Variants in RAPGEF5 observed in about 807,000 individuals in gnomAD.
RAPGEF5 encodes Rap guanine nucleotide exchange factor 5.
RAPGEF5 carries 65 observed loss-of-function variants against 125.2 expected under a neutral mutation model. The ratio of observed to expected loss-of-function variants is 0.52; its 90% confidence interval spans 0.43 to 0.64. The LOEUF (loss-of-function observed/expected upper bound fraction) is 0.64, where lower values mean the gene tolerates loss of function less well. Among genes scored for constraint, RAPGEF5 ranks in the 30% least tolerant of loss-of-function variants. The pLI is 0.00. For missense variants in RAPGEF5, 958 were observed against 1,048.1 expected (o/e 0.91, Z 1.19); for synonymous variants, 391 against 385.9 (o/e 1.01, Z -0.16).
At chr7:22,314,381 A>C (rs1212451886) in intron 3 of RAPGEF5, among the ~76,000 whole-genome samples, 3 of 152,194 alleles carry the variant, frequency 2.0e-5, no homozygotes, top group Admixed American at 6.5e-5. Flanking sequence ...CTATAGAAAA[A>C]TTATGCCTCA....
rs1435289723 is a variant in RAPGEF5, at chr7:22,145,203, G to A, written c.2027C>T (p.Thr676Met). 5 of 1,612,298 alleles carry A rather than the reference G, an allele frequency of 3.1e-6. No individual in the cohort carries two copies. The highest frequency in any genetic ancestry group is 2.2e-5 in the East Asian group (1 of 44,814). ...TTCCCCACTTCCCTGTCTGCTGAAC[G>A]TGAAGTAGATCAGCTCTTGCTGAAA... is the stretch of plus-strand genomic sequence containing the variant. ...SIHEQELIYF[T>M]FSRQGSGEHT... is the part of the protein sequence containing the mutation. Residue 676 changes from threonine to methionine, a missense_variant, in exon 20 of 26, where the codon ACG becomes ATG. Physicochemically the swap from Thr to Met is moderately conservative, Grantham distance 81. Transcript: ENST00000665637.
intron 6 of RAPGEF5, among the ~76,000 whole-genome samples, chr7:22,268,717 G>C (rs1782345431): frequency 6.6e-6 from 1 of 152,282 alleles, no homozygotes; most frequent in Middle Eastern, 3.4e-3. Flanking sequence ...CACTTAATTT[G>C]CTCACAACGG....
chr7:22,300,920 A>G (rs2128150223), intron 5 of RAPGEF5, among the ~76,000 whole-genome samples: 1 of 152,322 alleles, frequency 6.6e-6, no homozygotes, highest in South Asian at 2.1e-4. Flanking sequence ...TGCCAGAAAG[A>G]TGGGGTTTCT....
At chr7:22,214,924 A>T (rs1023682906) in intron 9 of RAPGEF5, among the ~76,000 whole-genome samples, 16 of 152,180 alleles carry the variant, frequency 1.1e-4, no homozygotes, top group Non-Finnish European at 2.2e-4. Flanking sequence ...CTCACTATTC[A>T]GTCACTGTTC....
chr7:22,147,462 A>G (rs11770772), intron 18 of RAPGEF5, among the ~76,000 whole-genome samples: 2,092 of 152,358 alleles, frequency 0.014, 22 homozygotes, highest in Non-Finnish European at 0.018. Flanking sequence ...TACAGGAAAT[A>G]CGTTTAGCAA....
At chr7:22,237,829 A>G (rs1196409073) in intron 7 of RAPGEF5, among the ~76,000 whole-genome samples, 1 of 152,230 alleles carries the variant, frequency 6.6e-6, no homozygotes, top group African/African-American at 2.4e-5. Context: ...ACACAGAGGT[A>G]CTAAGTAATG....
intron 6 of RAPGEF5, among the ~76,000 whole-genome samples, chr7:22,275,595 A>G (rs1007152428): frequency 1.3e-5 from 2 of 152,222 alleles, no homozygotes; most frequent in African/African-American, 2.4e-5. Context: ...GAGATGCTTT[A>G]CATGGGAAGG....
intron 5 of RAPGEF5, among the ~76,000 whole-genome samples, chr7:22,291,462 C>A (rs762740583): frequency 6.6e-6 from 1 of 152,142 alleles, no homozygotes; most frequent in Non-Finnish European, 1.5e-5. Context: ...TTACAATGCA[C>A]CAATTGAATC....
intron 8 of RAPGEF5, among the ~76,000 whole-genome samples, chr7:22,230,346 T>G (rs1786026442): frequency 1.3e-5 from 2 of 152,244 alleles, no homozygotes; most frequent in African/African-American, 4.8e-5. Flanking sequence ...AAAGGCGAAG[T>G]GAGATGAGTC....
chr7:22,139,528 A>G (rs904129658), intron 21 of RAPGEF5, among the ~76,000 whole-genome samples: 1 of 152,258 alleles, frequency 6.6e-6, no homozygotes, highest in South Asian at 2.1e-4. Flanking sequence ...GAACCCAAAC[A>G]GCCTTCGGCG....
intron 6 of RAPGEF5, among the ~76,000 whole-genome samples, chr7:22,269,479 GACAACCCTATTTAT>G (rs1485611032): frequency 5.3e-5 from 8 of 152,170 alleles, no homozygotes; most frequent in Non-Finnish European, 1.2e-4. Context: ...TGGTTGAAGA[GACAACCCTATTTAT>G]ACAAAGACAG....
At chr7:22,272,768 T>C (rs1782465743) in intron 6 of RAPGEF5, among the ~76,000 whole-genome samples, 1 of 152,172 alleles carries the variant, frequency 6.6e-6, no homozygotes, top group South Asian at 2.1e-4. Context: ...TATTTTCTTA[T>C]TTTTTTGAGA....
chr7:22,244,448 T>A (rs1251351982), intron 7 of RAPGEF5, among the ~76,000 whole-genome samples: 1 of 151,998 alleles, frequency 6.6e-6, no homozygotes, highest in African/African-American at 2.4e-5. Flanking sequence ...CATTAGATTC[T>A]CACAGAAGCG....
intron 24 of RAPGEF5, among the ~76,000 whole-genome samples, chr7:22,130,707 T>C (rs985853611): frequency 6.6e-6 from 1 of 152,190 alleles, no homozygotes; most frequent in Admixed American, 6.5e-5. Context: ...TGTGGATTCC[T>C]CCTGACAGCA....
Position 22,197,900 on chromosome 7 carries a change from G to GGGGGC in RAPGEF5, c.997-3868_997-3867insGCCCC, listed in dbSNP as rs1554327466. On this transcript the variant is annotated intron_variant, in intron 9 of 25. Coordinates refer to ENST00000665637, the MANE Select transcript of RAPGEF5 (RefSeq NM_012294.5). ...CTCTTTTTTCTTTTTTTTTGGGGGGGGGTGGTAGGAGGACATTCTCACTCT... is the reference window on the plus strand; with the variant it reads ...CTCTTTTTTCTTTTTTTTTGGGGGGGGGGGCGGTGGTAGGAGGACATTCTCACTCT... 3.9e-4 allele frequency among the ~76,000 whole-genome samples: 57 copies of GGGGGC among 145,134 alleles called. 1 individual carries two copies. Among genetic ancestry groups the GGGGGC allele is most frequent in the Non-Finnish European group, 7.0e-4 (46 of 65,282 alleles).
chr7:22,168,553 T>C lies in RAPGEF5; in HGVS notation c.1205-1405A>G, dbSNP rs372376895. 2.1e-4 allele frequency among the ~76,000 whole-genome samples: 32 copies of C among 152,334 alleles called. No homozygotes were observed. In the East Asian group the frequency reaches 4.8e-3, roughly 23 times the overall value. ...AATGATGATGTGTAAGTAAAAATAA[T>C]TGCCCAGTATAGAGCCCTATAGCTC... is the stretch of plus-strand genomic sequence containing the variant. On this transcript the variant is annotated intron_variant, in intron 11 of 25. Coordinates refer to ENST00000665637, the MANE Select transcript of RAPGEF5 (RefSeq NM_012294.5).
At chr7:22,157,761 C>G in intron 15 of RAPGEF5, 94 bp downstream of exon 15, 1 of 1,354,220 alleles carries the variant, frequency 7.4e-7, no homozygotes, top group East Asian at 2.3e-5. Context: ...CTGCTCGAGG[C>G]AGTATTCATT....
Position 22,315,417 on chromosome 7 carries a change from T to C in RAPGEF5, c.342A>G (p.Gln114=), listed in dbSNP as rs1327469757. Reference sequence around the variant, plus strand: ...CTCTGTCCTTTATCAGGTCAGCTGCTTGAACGATAATAATATTCCTCAATG... The same window carrying C: ...CTCTGTCCTTTATCAGGTCAGCTGCCTGAACGATAATAATATTCCTCAATG... ...GRALRNIIIV[Q]AADLIKDRVN... The change falls in exon 3 of 26, where the codon CAA becomes CAG. Residue 114 remains glutamine, a synonymous_variant. Coordinates refer to ENST00000665637, the MANE Select transcript of RAPGEF5 (RefSeq NM_012294.5). 14 of 1,537,932 alleles carry C rather than the reference T, an allele frequency of 9.1e-6. No individual in the cohort carries two copies. Among genetic ancestry groups the C allele is most frequent in the Non-Finnish European group, 1.2e-5 (14 of 1,142,422 alleles).
Position 22,343,804 on chromosome 7 carries a change from C to T in RAPGEF5, c.231+13026G>A, listed in dbSNP as rs117155666. 9.7e-3 allele frequency among the ~76,000 whole-genome samples: 1,482 copies of T among 152,138 alleles called. 11 individuals are homozygous for T. Among genetic ancestry groups the T allele is most frequent in the South Asian group, 0.025 (122 of 4,824 alleles). On this transcript the variant is annotated intron_variant, in intron 1 of 25. Transcript: ENST00000665637. ...TGTAGTTTTGGCAGGCATTTCAGAA[C>T]ATGTTCAATACACGGTGACAAAATT...
Sources: allele counts gnomAD v4.1 joint callset (sites outside exome capture counted in the v4.1 genomes callset), GRCh38; gene constraint gnomAD v4.1.1; transcripts MANE v1.5; gene names NCBI Gene and HGNC (gene_info 2026-07-23, HGNC 2026-07-21).